OAT: variants seen among roughly 807,000 people sequenced by gnomAD.
OAT encodes ornithine aminotransferase, also known as ornithine aminotransferase, mitochondrial.
Under a neutral mutation model 48.4 loss-of-function variants are expected in OAT, and 35 were observed. That is an observed-to-expected ratio of 0.72 (90% CI 0.55 to 0.96). The LOEUF is 0.96. Among genes scored for constraint, OAT ranks in the 40% least tolerant of loss-of-function variants. OAT has a pLI of 0.00. For synonymous variants in OAT, 182 were observed against 198.4 expected (o/e 0.92, Z 0.70); for missense variants, 438 against 537.9 (o/e 0.81, Z 1.84).
chr10:124,397,589 A>C lies in OAT; in HGVS notation c.*353T>G, dbSNP rs1468923743. ...TGCAATACCCAGAGATAACTTTTTC[A>C]AATATGAAACACTTATACCAGTGAG... On this transcript the variant is annotated 3_prime_UTR_variant, in exon 10 of 10. Coordinates refer to ENST00000368845, the MANE Select transcript of OAT (RefSeq NM_000274.4). 5.0e-6 allele frequency: 1 copy of C among 200,976 alleles called. No homozygotes were observed. The highest frequency in any genetic ancestry group is 1.0e-5 in the Non-Finnish European group (1 of 97,422). 12.4% of individuals were successfully genotyped at this position (200,976 alleles called of 1,614,324 possible).
chr10:124,402,897 A>G, intron 7 of OAT, 30 bp downstream of exon 7: 1 of 1,612,370 alleles, frequency 6.2e-7, no homozygotes. Context: ...CAAGAGTAGG[A>G]AATGGAAAGA....
Position 124,401,738 on chromosome 10 carries a change from G to T in OAT, c.1002C>A (p.Ile334=). The change falls in exon 8 of 10, where the codon ATC becomes ATA. Residue 334 remains isoleucine (I), a synonymous_variant. Coordinates refer to ENST00000368845, the MANE Select transcript of OAT (RefSeq NM_000274.4). ...TATCAGTCTTTACCTCAAGGGCTGC[G>T]ATGGCCACTCGGCAGCCTAGTGGAT... ...GGNPLGCRVA[I]AALEVLEEEN... 1 of 1,610,554 alleles carries T rather than the reference G, an allele frequency of 6.2e-7. No homozygotes were observed. Among genetic ancestry groups the T allele is most frequent in the Non-Finnish European group, 8.5e-7 (1 of 1,177,462 alleles).
chr10:124,406,253 G>T, intron 4 of OAT: 4 of 389,824 alleles, frequency 1.0e-5, no homozygotes, highest in Non-Finnish European at 1.4e-5. Context: ...CACTTTGGGA[G>T]GCCAAGGTGG....
chr10:124,409,106 A>G, intron 2 of OAT, 141 bp from the exon 3 acceptor site: 1 of 628,588 alleles, frequency 1.6e-6, no homozygotes, highest in Non-Finnish European at 2.8e-6. Flanking sequence ...AGCTTGTTTT[A>G]GCTCAGGCAT....
intron 2 of OAT, among the ~76,000 whole-genome samples, chr10:124,411,114 T>G (rs552414957): frequency 2.0e-5 from 2 of 102,330 alleles, no homozygotes; most frequent in South Asian, 7.7e-4. Flanking sequence ...CACTCCAGCC[T>G]GGGTGACAAA....
intron 1 of OAT, among the ~76,000 whole-genome samples, chr10:124,415,240 T>C (rs1389186737): frequency 2.6e-5 from 4 of 152,074 alleles, no homozygotes; most frequent in Admixed American, 2.6e-4. Flanking sequence ...TATTAAAGAA[T>C]AACTGGGGAC....
intron 1 of OAT, chr10:124,414,899 G>A (rs1951872166): frequency 6.6e-6 from 1 of 151,598 alleles, no homozygotes; most frequent in Non-Finnish European, 1.5e-5. Flanking sequence ...GCAACATAGG[G>A]AGACCCCATC....
At chr10:124,416,648 A>G (rs1000393689) in intron 1 of OAT, among the ~76,000 whole-genome samples, 31 of 152,300 alleles carry the variant, frequency 2.0e-4, no homozygotes, top group African/African-American at 7.0e-4. Flanking sequence ...CCATCCATCT[A>G]CATTAGAACA....
intron 6 of OAT, among the ~76,000 whole-genome samples, 172 bp downstream of exon 6, chr10:124,403,626 T>C (rs1951481888): frequency 6.6e-6 from 1 of 152,204 alleles, no homozygotes; most frequent in South Asian, 2.1e-4. Flanking sequence ...TTCTAAGCAC[T>C]AGGAAGTACT....
intron 9 of OAT, among the ~76,000 whole-genome samples, chr10:124,398,944 G>A (rs900258793): frequency 2.0e-5 from 3 of 152,072 alleles, no homozygotes; most frequent in Non-Finnish European, 4.4e-5. Flanking sequence ...TTGAACCCAG[G>A]AAGTGGAGGT....
At chr10:124,415,551 T>C (rs1425757283) in intron 1 of OAT, among the ~76,000 whole-genome samples, 2 of 152,228 alleles carry the variant, frequency 1.3e-5, no homozygotes. Flanking sequence ...CCTTCTGTGT[T>C]CAAGTTACTG....
rs545454928 is a variant in OAT, at chr10:124,408,453, T to C, written c.520+89A>G. 3,115 of 1,199,984 alleles carry C rather than the reference T, an allele frequency of 2.6e-3. 7 individuals carry two copies. Among genetic ancestry groups the C allele is most frequent in the Non-Finnish European group, 3.5e-3 (2,926 of 826,766 alleles). The allele number at this position is 1,199,984 out of a possible 1,614,324, so 74.3% of individuals were successfully genotyped here. A position where few individuals can be genotyped will look rare whatever the true frequency, so the allele number is the denominator to read the frequency against. On this transcript the variant is annotated intron_variant, in intron 4 of 9. Transcript: ENST00000368845. Reference sequence around the variant, plus strand: ...CTCCTGCCTTGGCCTCCCAAAATGCTAGGATTACAGGCATGAGCCACCATG... The same window carrying C: ...CTCCTGCCTTGGCCTCCCAAAATGCCAGGATTACAGGCATGAGCCACCATG...
At chr10:124,416,807 C>T (rs1236500315) in intron 1 of OAT, among the ~76,000 whole-genome samples, 1 of 150,696 alleles carries the variant, frequency 6.6e-6, no homozygotes, top group Non-Finnish European at 1.5e-5. Context: ...TAAATTTGTT[C>T]TTGCTATTTT....
At chr10:124,398,158 G>C (rs1951290400) in intron 9 of OAT, 56 bp from the exon 10 acceptor site, 2 of 1,590,996 alleles carry the variant, frequency 1.3e-6, no homozygotes, top group African/African-American at 2.7e-5. Context: ...AACATCCCTT[G>C]CCGTATGTAT....
chr10:124,408,331 ATATATATATATATT>A (rs1352979284), intron 4 of OAT, among the ~76,000 whole-genome samples, 197 bp downstream of exon 4: 2 of 92,146 alleles, frequency 2.2e-5, no homozygotes, highest in South Asian at 4.0e-4. Flanking sequence ...ATATATATAT[ATATATATATATATT>A]TTTTTTTTTT....
chr10:124,407,483 C>T (rs549576045), intron 4 of OAT: 46 of 983,618 alleles, frequency 4.7e-5, no homozygotes, highest in Middle Eastern at 5.2e-4. Flanking sequence ...TGTCCTACAA[C>T]GAAAGCACAA....
intron 7 of OAT, 74 bp downstream of exon 7, chr10:124,402,853 A>G (rs1419707239): frequency 4.5e-6 from 7 of 1,566,484 alleles, no homozygotes; most frequent in Non-Finnish European, 6.1e-6. Flanking sequence ...TGTCACAATC[A>G]GTTGATGTAT....
chr10:124,408,954 A>G lies in OAT; in HGVS notation c.211T>C (p.Trp71Arg), dbSNP rs780235906. 37 of 1,610,982 alleles carry G rather than the reference A, an allele frequency of 2.3e-5. No individual in the cohort carries two copies. The highest frequency in any genetic ancestry group is 2.9e-5 in the Non-Finnish European group (34 of 1,177,288). ...AAATATTTTCTGCCTTCTACATCCC[A>G]TAAGTAAATACCTAAAATACATAAG... Reference protein sequence around the residue: ...ALERGKGIYLWDVEGRKYFDF... With the variant: ...ALERGKGIYLRDVEGRKYFDF... The change falls in exon 3 of 10, where the codon TGG (tryptophan) becomes CGG (arginine). Residue 71 changes from tryptophan (W) to arginine (R), a missense_variant. By Grantham distance (101) the Trp-to-Arg change is moderately radical. Transcript: ENST00000368845.
At chr10:124,411,867 C>A in intron 2 of OAT, 106 bp downstream of exon 2, 3 of 895,100 alleles carry the variant, frequency 3.4e-6, no homozygotes, top group Non-Finnish European at 5.5e-6. Flanking sequence ...CTGCAATATA[C>A]ACATTAAACA....
Sources: allele counts gnomAD v4.1 joint callset (sites outside exome capture counted in the v4.1 genomes callset), GRCh38; gene constraint gnomAD v4.1.1; transcripts MANE v1.5; gene names NCBI Gene and HGNC (gene_info 2026-07-23, HGNC 2026-07-21).